Variants in NXPH1 observed in about 807,000 individuals in gnomAD.
NXPH1 encodes neurexophilin-1.
Under a neutral mutation model 23.7 loss-of-function variants are expected in NXPH1, and 5 were observed. The observed-to-expected ratio is 0.21, with a 90% CI of 0.11 to 0.44. The LOEUF (loss-of-function observed/expected upper bound fraction) is 0.44. Among genes scored for constraint, NXPH1 ranks in the 20% least tolerant of loss-of-function variants. The pLI is 0.99. For missense variants in NXPH1, 324 were observed against 321.6 expected, an observed-to-expected ratio of 1.01 and a Z score of -0.06; for synonymous variants, 144 against 122.2, an observed-to-expected ratio of 1.18 and a Z score of -1.18.
chr7:8,633,250 G>T (rs769782728), intron 2 of NXPH1, among the ~76,000 whole-genome samples: 8 of 152,270 alleles, frequency 5.3e-5, no homozygotes, highest in Middle Eastern at 3.4e-3. Context: ...GGCTAACATG[G>T]TGAAACACTG....
chr7:8,522,724 G>A (rs1441342260), intron 2 of NXPH1, among the ~76,000 whole-genome samples: 1 of 152,172 alleles, frequency 6.6e-6, no homozygotes, highest in Admixed American at 6.5e-5. Context: ...GGTTCCCTCA[G>A]CCTATATCTT....
chr7:8,670,335 C>G (rs1306349864), intron 2 of NXPH1, among the ~76,000 whole-genome samples: 1 of 152,196 alleles, frequency 6.6e-6, no homozygotes, highest in African/African-American at 2.4e-5. Flanking sequence ...CTCACAAGTT[C>G]TATCCCTTTT....
At chr7:8,445,200 C>T (rs909128251) in intron 2 of NXPH1, among the ~76,000 whole-genome samples, 4 of 152,128 alleles carry the variant, frequency 2.6e-5, no homozygotes, top group African/African-American at 9.7e-5. Flanking sequence ...CAGAATTGTC[C>T]TCTTAATTTA....
At chr7:8,634,993 T>C (rs993610042) in intron 2 of NXPH1, among the ~76,000 whole-genome samples, 6 of 152,158 alleles carry the variant, frequency 3.9e-5, no homozygotes, top group Admixed American at 1.3e-4. Context: ...TTACTGGAAG[T>C]GCAAACAACA....
At chr7:8,493,275 A>G (rs760515917) in intron 2 of NXPH1, among the ~76,000 whole-genome samples, 2 of 152,072 alleles carry the variant, frequency 1.3e-5, no homozygotes, top group Non-Finnish European at 2.9e-5. Context: ...CATGGAAGGA[A>G]GTATGTTTTA....
At chr7:8,537,255 T>C (rs974255044) in intron 2 of NXPH1, among the ~76,000 whole-genome samples, 1 of 151,980 alleles carries the variant, frequency 6.6e-6, no homozygotes, top group African/African-American at 2.4e-5. Context: ...ATTCACTTTA[T>C]GTGCCACCTC....
At chr7:8,698,718 C>A (rs1779575102) in intron 2 of NXPH1, among the ~76,000 whole-genome samples, 1 of 152,088 alleles carries the variant, frequency 6.6e-6, no homozygotes, top group African/African-American at 2.4e-5. Flanking sequence ...AACCACAGAT[C>A]TATATAATTA....
intron 2 of NXPH1, among the ~76,000 whole-genome samples, chr7:8,731,170 G>A (rs1406152345): frequency 1.2e-4 from 18 of 151,820 alleles, no homozygotes; most frequent in Non-Finnish European, 2.1e-4. Context: ...TGTAGTTCTC[G>A]AGCCTTGGTT....
chr7:8,665,394 C>T (rs1220562703), intron 2 of NXPH1, among the ~76,000 whole-genome samples: 1 of 151,886 alleles, frequency 6.6e-6, no homozygotes, highest in Non-Finnish European at 1.5e-5. Flanking sequence ...CTTTTATATG[C>T]TATACCATGC....
At chr7:8,542,557 T>C (rs1013849680) in intron 2 of NXPH1, among the ~76,000 whole-genome samples, 1 of 151,634 alleles carries the variant, frequency 6.6e-6, no homozygotes, top group Non-Finnish European at 1.5e-5. Flanking sequence ...TTATCCAATG[T>C]GGATCATATT....
At chr7:8,561,514 C>T (rs545177741) in intron 2 of NXPH1, among the ~76,000 whole-genome samples, 59 of 151,702 alleles carry the variant, frequency 3.9e-4, no homozygotes, top group African/African-American at 1.1e-3. Flanking sequence ...ACCTGAGAGA[C>T]GCCCTGAGAC....
chr7:8,636,273 A>G (rs1820217501), intron 2 of NXPH1, among the ~76,000 whole-genome samples: 1 of 152,118 alleles, frequency 6.6e-6, no homozygotes, highest in Non-Finnish European at 1.5e-5. Context: ...GTTCTTTTTA[A>G]ACAAAAGTTT....
At chr7:8,689,579 G>A (rs1821196606) in intron 2 of NXPH1, among the ~76,000 whole-genome samples, 1 of 152,142 alleles carries the variant, frequency 6.6e-6, no homozygotes, top group South Asian at 2.1e-4. Context: ...CTGGAACGGA[G>A]GCCTTTGGTA....
At chr7:8,651,476 G>A (rs1820491704) in intron 2 of NXPH1, among the ~76,000 whole-genome samples, 1 of 149,978 alleles carries the variant, frequency 6.7e-6, no homozygotes, top group South Asian at 2.2e-4. Flanking sequence ...TAGTCCTTTG[G>A]GTATATACCC....
chr7:8,672,479 AAG>A (rs1481916293), intron 2 of NXPH1, among the ~76,000 whole-genome samples: 2 of 152,124 alleles, frequency 1.3e-5, no homozygotes, highest in African/African-American at 4.8e-5. Flanking sequence ...ATAATAAAAA[AAG>A]ATTAAAAAAA....
At chr7:8,562,408 A>C (rs1818461725) in intron 2 of NXPH1, among the ~76,000 whole-genome samples, 3 of 151,888 alleles carry the variant, frequency 2.0e-5, no homozygotes, top group South Asian at 2.1e-4. Context: ...AGAGCTTTGT[A>C]AATGCATGAT....
intron 2 of NXPH1, among the ~76,000 whole-genome samples, chr7:8,474,994 A>G (rs1034155734): frequency 6.6e-6 from 1 of 152,126 alleles, no homozygotes; most frequent in Non-Finnish European, 1.5e-5. Flanking sequence ...AAATGCCATT[A>G]CCAAAGTCCC....
chr7:8,454,490 T>C (rs1017998362), intron 2 of NXPH1, among the ~76,000 whole-genome samples: 1 of 152,136 alleles, frequency 6.6e-6, no homozygotes, highest in Non-Finnish European at 1.5e-5. Flanking sequence ...AAGCCCTTTG[T>C]TCATTTGTAA....
At position 8,589,947 on chromosome 7, in the gene NXPH1, T is replaced by C. The variant is rs1584253731; in HGVS notation, c.54+154180T>C. 2.0e-5 allele frequency among the ~76,000 whole-genome samples: 3 copies of C among 152,106 alleles called. No individual in the cohort carries two copies. The East Asian group carries it at 5.8e-4, about 29-fold the overall frequency. ...ATTCCCCAATCTCATTAGCCACATT[T>C]CAAGTGCCCAATAACCACATGGGGT... On this transcript the variant is annotated intron_variant, in intron 2 of 2. Transcript: ENST00000405863.
Sources: allele counts gnomAD v4.1 joint callset (sites outside exome capture counted in the v4.1 genomes callset), GRCh38; gene constraint gnomAD v4.1.1; transcripts MANE v1.5; gene names NCBI Gene and HGNC (gene_info 2026-07-23, HGNC 2026-07-21).